Variants in NBPF26 observed in about 807,000 individuals in gnomAD.
NBPF26 encodes NBPF member 26.
Under a neutral mutation model 119.6 loss-of-function variants are expected in NBPF26, and 79 were observed. The observed-to-expected ratio is 0.66, with a 90% CI of 0.55 to 0.80. The LOEUF (loss-of-function observed/expected upper bound fraction) is 0.80. Among genes scored for constraint, NBPF26 ranks in the 30% least tolerant of loss-of-function variants. The pLI, the probability that NBPF26 is intolerant of heterozygous loss-of-function variation, is 0.00. For missense variants in NBPF26, 800 were observed against 1,198.2 expected (o/e 0.67, Z 4.91); for synonymous variants, 299 against 457.7 (o/e 0.65, Z 4.43).
chr1:120,840,607 A>G, exon 30 of NBPF26: 1 of 1,460,014 alleles, frequency 6.8e-7, no homozygotes, highest in Non-Finnish European at 9.2e-7. Context: ...GCCCTTACTA[A>G]GCCGAGAGGT....
intron 1 of NBPF26, among the ~76,000 whole-genome samples, chr1:120,762,465 C>T (rs1394251921): frequency 1.9e-5 from 2 of 106,624 alleles, no homozygotes; most frequent in Admixed American, 9.1e-5. Flanking sequence ...CCAGGCCTAG[C>T]GTCTCTCTGA....
At chr1:120,802,255 C>CT (rs1172105793) in intron 4 of NBPF26, among the ~76,000 whole-genome samples, 1 of 125,904 alleles carries the variant, frequency 7.9e-6, no homozygotes, top group Non-Finnish European at 1.6e-5. Context: ...ATGAGAATCC[C>CT]TGTAAGGAGG....
At chr1:120,840,391 T>G in exon 30 of NBPF26, 1 of 1,463,912 alleles carries the variant, frequency 6.8e-7, no homozygotes, top group Non-Finnish European at 9.2e-7. Flanking sequence ...CCTGAAGTCT[T>G]GCAGGACTCA....
rs1171387241 is a variant in NBPF26 at position 120,733,138 on chromosome 1, G to A, written c.73+8888G>A. Among the ~76,000 whole-genome samples the A allele has an allele frequency of 7.8e-5, 8 of 102,430 alleles. 2 individuals are homozygous for A. Among genetic ancestry groups the A allele is most frequent in the Non-Finnish European group, 7.1e-5 (4 of 56,318 alleles). The allele number at this position is 102,430 out of a possible 152,430, so 67.2% of individuals were successfully genotyped here. ...TTATATATATATATATATATGTTTAGTTTATGAACAGATCTACATATATAT... is the reference window on the plus strand; with the variant it reads ...TTATATATATATATATATATGTTTAATTTATGAACAGATCTACATATATAT... On this transcript the variant is annotated intron_variant, in intron 1 of 29. Transcript: ENST00000620612.
intron 2 of NBPF26, among the ~76,000 whole-genome samples, chr1:120,778,384 C>G (rs1651322959): frequency 9.3e-6 from 1 of 106,996 alleles, no homozygotes; most frequent in African/African-American, 6.2e-5. Flanking sequence ...TGGAAACTAG[C>G]CCAGAGGGAG....
rs1651412246 is a variant in NBPF26, at chr1:120,785,214, C to A, written c.396C>A (p.Thr132=). 2.8e-6 allele frequency: 4 copies of A among 1,445,444 alleles called. 1 individual carries two copies. The highest frequency in any genetic ancestry group is 2.8e-6 in the Non-Finnish European group (3 of 1,081,596). 89.5% of individuals were successfully genotyped at this position (1,445,444 alleles called of 1,614,324 possible). A position where few individuals can be genotyped will look rare whatever the true frequency, so the allele number is the denominator to read the frequency against. Residue 132 remains threonine (T), a synonymous_variant, in exon 3 of 30, where the codon ACC becomes ACA. Transcript: ENST00000620612. ...TCAGCCGGGATACCTATGAGTGCACCTGTCAAGTCGGGTTTACAGGTAACT... is the reference window on the plus strand; with the variant it reads ...TCAGCCGGGATACCTATGAGTGCACATGTCAAGTCGGGTTTACAGGTAACT...
rs1553272348 is a variant in NBPF26 at position 120,823,752 on chromosome 1, C to CTGTGTGTGCG, written c.2640-214_2640-213insCGTGTGTGTG. On this transcript the variant is annotated intron_variant, in intron 17 of 29. Coordinates refer to ENST00000620612, the Ensembl canonical transcript of NBPF26. Reference sequence around the variant, plus strand: ...ACCTGACCAATTCACTGAGCTCGCTCTGTGTGTGTGTGTGTGTGTGTGTGT... The same window carrying CTGTGTGTGCG: ...ACCTGACCAATTCACTGAGCTCGCTCTGTGTGTGCGTGTGTGTGTGTGTGTGTGTGTGTGT... Among the ~76,000 whole-genome samples, 5 of 73,340 alleles carry CTGTGTGTGCG rather than the reference C, an allele frequency of 6.8e-5. 1 individual carries two copies. The highest frequency in any genetic ancestry group is 5.7e-4 in the African/African-American group (5 of 8,822). 48.1% of individuals were successfully genotyped at this position (73,340 alleles called of 152,430 possible).
Position 120,778,413 on chromosome 1 carries a change from A to G in NBPF26, c.156-6561A>G, listed in dbSNP as rs1273953738. ...GAGGGAGTAAAGAGGAGCTTTAATG[A>G]GGAGCAGCTTCAGTGCCGACGCAAC... On this transcript the variant is annotated intron_variant, in intron 2 of 29. Coordinates refer to ENST00000620612, the Ensembl canonical transcript of NBPF26. 2.7e-5 allele frequency among the ~76,000 whole-genome samples: 3 copies of G among 111,368 alleles called. No homozygotes were observed. In the East Asian group the frequency reaches 6.5e-4, roughly 24 times the overall value. 73.1% of individuals were successfully genotyped at this position (111,368 alleles called of 152,430 possible).
At chr1:120,817,881 C>T in intron 14 of NBPF26, among the ~76,000 whole-genome samples, 1 of 112,768 alleles carries the variant, frequency 8.9e-6, no homozygotes, top group Non-Finnish European at 1.7e-5. Flanking sequence ...TTAACTTTGA[C>T]TCAAGCAGGG....
At chr1:120,814,760 C>G in intron 11 of NBPF26, 69 bp from the exon 12 acceptor site, 1 of 1,000,488 alleles carries the variant, frequency 1.0e-6, no homozygotes, top group East Asian at 2.3e-5. Flanking sequence ...TCAGAAATCT[C>G]TGTTGCAATA....
chr1:120,767,823 G>A (rs1184797809), intron 2 of NBPF26, among the ~76,000 whole-genome samples: 1 of 110,278 alleles, frequency 9.1e-6, no homozygotes, highest in Non-Finnish European at 1.7e-5. Flanking sequence ...GGATTCTGGG[G>A]GTAGGTTAGG....
intron 3 of NBPF26, among the ~76,000 whole-genome samples, 186 bp from the exon 4 acceptor site, chr1:120,792,975 C>T (rs1210444256): frequency 1.2e-5 from 1 of 85,054 alleles, no homozygotes; most frequent in Admixed American, 1.1e-4. Context: ...TGCTGAGGTC[C>T]TTGGAGAGTT....
rs1651314740 is a variant in NBPF26, at chr1:120,777,728, C to A, written c.156-7246C>A. Reference sequence around the variant, plus strand: ...GGCAAGAAGTAGTATGACAGAGCTTCTTCTCTTTTTTTCCCCTCTTTACCA... The same window carrying A: ...GGCAAGAAGTAGTATGACAGAGCTTATTCTCTTTTTTTCCCCTCTTTACCA... On this transcript the variant is annotated intron_variant, in intron 2 of 29. Transcript: ENST00000620612. 4.5e-5 allele frequency among the ~76,000 whole-genome samples: 4 copies of A among 88,316 alleles called. 1 individual carries two copies. In the South Asian group the frequency reaches 1.4e-3, roughly 31 times the overall value. The allele number at this position is 88,316 out of a possible 152,430, so 57.9% of individuals were successfully genotyped here.
intron 4 of NBPF26, among the ~76,000 whole-genome samples, chr1:120,802,761 C>A (rs1467415720): frequency 8.5e-6 from 1 of 118,110 alleles, no homozygotes; most frequent in African/African-American, 4.8e-5. Flanking sequence ...TTAACAGGTT[C>A]TTTCAGTTTC....
chr1:120,781,772 A>T (rs1651364294), intron 2 of NBPF26, among the ~76,000 whole-genome samples: 1 of 115,646 alleles, frequency 8.6e-6, no homozygotes, highest in Admixed American at 8.4e-5. Flanking sequence ...GTTAGCCAGG[A>T]TGGTCTCGAT....
At chr1:120,808,838 A>T in intron 7 of NBPF26, 79 bp downstream of exon 7, 1 of 468,666 alleles carries the variant, frequency 2.1e-6, no homozygotes, top group Non-Finnish European at 3.6e-6. Flanking sequence ...TCACAATGAC[A>T]GTTGTATCAG....
rs1366163257 is a variant in NBPF26, at chr1:120,790,622, GTCTT to G, written c.416-2530_416-2527del. On this transcript the variant is annotated intron_variant, in intron 3 of 29. Transcript: ENST00000620612. ...TCTCTCTCTTTCCCTCTCTCTTTCT[GTCTT>G]TCTTTCTTCTCACTCTGTTGCTTAG... is the stretch of plus-strand genomic sequence containing the variant. 6.8e-3 allele frequency among the ~76,000 whole-genome samples: 504 copies of G among 74,416 alleles called. 67 individuals are homozygous for G. The highest frequency in any genetic ancestry group is 8.7e-3 in the Admixed American group (59 of 6,754). The allele number at this position is 74,416 out of a possible 152,430, so 48.8% of individuals were successfully genotyped here. A position where few individuals can be genotyped will look rare whatever the true frequency, so the allele number is the denominator to read the frequency against.
intron 15 of NBPF26, among the ~76,000 whole-genome samples, chr1:120,818,965 T>G (rs1175105162): frequency 0.78 from 72,561 of 93,616 alleles, 31,696 homozygotes; most frequent in African/African-American, 0.89. Flanking sequence ...GTTGATTTGG[T>G]GTGGAGAGTT....
In NBPF26 at chr1:120,724,140, CGGCGGCGGCGGAGGA is replaced by C; in HGVS notation, c.-35_-21del. ...TGTGGATCTGCCCAGGCGGCGGCGGCGGCGGCGGCGGAGGAGGAGGAGGAGGCGACCGAGAAGATG... is the reference window on the plus strand; with the variant it reads ...TGTGGATCTGCCCAGGCGGCGGCGGCGGAGGAGGAGGCGACCGAGAAGATG... On this transcript the variant is annotated 5_prime_UTR_variant, in exon 1 of 30. Coordinates refer to ENST00000620612, the Ensembl canonical transcript of NBPF26. The C allele has an allele frequency of 1.5e-6, 2 of 1,364,062 alleles. 1 individual carries two copies. The highest frequency in any genetic ancestry group is 2.7e-5 in the South Asian group (2 of 74,012). 84.5% of individuals were successfully genotyped at this position (1,364,062 alleles called of 1,614,324 possible). A position where few individuals can be genotyped will look rare whatever the true frequency, so the allele number is the denominator to read the frequency against.
Sources: gnomAD v4.1 joint callset for allele counts (sites outside exome capture counted in the v4.1 genomes callset) on GRCh38, gnomAD v4.1.1 for gene constraint, MANE v1.5 for transcripts, NCBI Gene and HGNC (gene_info 2026-07-23, HGNC 2026-07-21) for gene names.